The following GALNT13 variants were observed in gnomAD, a reference collection of about 807,000 sequenced individuals.
The protein encoded by GALNT13 is UDP-GalNAc:polypeptide N-acetylgalactosaminyltransferase 13.
A neutral mutation model predicts 64.2 loss-of-function variants in GALNT13; 28 were observed. That is an observed-to-expected ratio of 0.44 (90% confidence interval 0.32 to 0.60). The LOEUF (loss-of-function observed/expected upper bound fraction) is 0.60, where lower values mean the gene tolerates loss of function less well. GALNT13 is among the 20% of genes least tolerant of loss of function. GALNT13 has a pLI of 0.05. For synonymous variants in GALNT13, 214 were observed against 224.6 expected, an observed-to-expected ratio of 0.95 and a Z score of 0.42; for missense variants, 577 against 669.8, an observed-to-expected ratio of 0.86 and a Z score of 1.53.
At chr2:153,946,541 C>G (rs903022562) in intron 3 of GALNT13, among the ~76,000 whole-genome samples, 2 of 152,028 alleles carry the variant, frequency 1.3e-5, no homozygotes, top group Non-Finnish European at 2.9e-5. Context: ...AAGGTGCTAG[C>G]AGATGCAACG....
At chr2:154,072,365 T>C (rs1043921822) in intron 3 of GALNT13, among the ~76,000 whole-genome samples, 1 of 152,124 alleles carries the variant, frequency 6.6e-6, no homozygotes, top group Non-Finnish European at 1.5e-5. Context: ...AAAAACATTT[T>C]TAAAAGAATT....
At chr2:154,181,612 A>T (rs1256393228) in intron 4 of GALNT13, among the ~76,000 whole-genome samples, 2 of 152,070 alleles carry the variant, frequency 1.3e-5, no homozygotes, top group African/African-American at 4.8e-5. Context: ...TTAAAGTTTT[A>T]ACTATAAAAT....
At chr2:153,346,582 G>A in the GALNT13 span, among the ~76,000 whole-genome samples, 1 of 152,060 alleles carries the variant, frequency 6.6e-6, no homozygotes, top group African/African-American at 2.4e-5. Flanking sequence ...CTGAAAACAT[G>A]CATTTTAATT....
intron 3 of GALNT13, among the ~76,000 whole-genome samples, chr2:153,997,151 C>T (rs1695576329): frequency 6.6e-6 from 1 of 152,002 alleles, no homozygotes; most frequent in South Asian, 2.1e-4. Flanking sequence ...TTTGACTATT[C>T]TGGGTCTTTT....
chr2:153,973,460 T>A (rs565542672), intron 3 of GALNT13, among the ~76,000 whole-genome samples: 1 of 152,170 alleles, frequency 6.6e-6, no homozygotes, highest in African/African-American at 2.4e-5. Flanking sequence ...AGCAACTCAC[T>A]GAAGATTTCT....
chr2:153,371,213 A>T, the GALNT13 span: 2 of 152,246 alleles, frequency 1.3e-5, no homozygotes, highest in East Asian at 1.9e-4. Context: ...CATCTCCAAA[A>T]GCCTACATAA....
At chr2:153,366,802 A>T in the GALNT13 span, among the ~76,000 whole-genome samples, 15 of 151,500 alleles carry the variant, frequency 9.9e-5, no homozygotes, top group East Asian at 2.9e-3. Context: ...AACTGCTGAA[A>T]ACGAAAGAAA....
At chr2:154,103,357 A>C (rs1702447020) in intron 3 of GALNT13, among the ~76,000 whole-genome samples, 1 of 152,166 alleles carries the variant, frequency 6.6e-6, no homozygotes, top group South Asian at 2.1e-4. Flanking sequence ...TTTTTAAAAA[A>C]CATATCTGTC....
At chr2:153,607,925 A>T in the GALNT13 span, among the ~76,000 whole-genome samples, 1 of 152,072 alleles carries the variant, frequency 6.6e-6, no homozygotes, top group Non-Finnish European at 1.5e-5. Context: ...GATTCCCTAA[A>T]GTTTTCTTTT....
the GALNT13 span, among the ~76,000 whole-genome samples, chr2:153,521,576 A>T: frequency 6.6e-6 from 1 of 152,180 alleles, no homozygotes; most frequent in Non-Finnish European, 1.5e-5. Context: ...ACATCAGGCT[A>T]CATTCTTGGT....
At chr2:153,550,674 T>C in the GALNT13 span, among the ~76,000 whole-genome samples, 1 of 152,232 alleles carries the variant, frequency 6.6e-6, no homozygotes, top group Admixed American at 6.5e-5. Context: ...ATGAACCATA[T>C]TTTACATCCA....
At chr2:153,234,221 G>C in the GALNT13 span, among the ~76,000 whole-genome samples, 2 of 152,158 alleles carry the variant, frequency 1.3e-5, no homozygotes, top group Non-Finnish European at 2.9e-5. Context: ...CTACCCTGAA[G>C]CCCAGCCCAG....
chr2:154,418,709 A>C (rs1488728408), intron 11 of GALNT13, among the ~76,000 whole-genome samples: 1 of 152,222 alleles, frequency 6.6e-6, no homozygotes, highest in East Asian at 1.9e-4. Flanking sequence ...AATTTGTTTT[A>C]TCAACGACAG....
the GALNT13 span, among the ~76,000 whole-genome samples, chr2:153,323,472 G>A: frequency 6.6e-6 from 1 of 152,040 alleles, no homozygotes; most frequent in Non-Finnish European, 1.5e-5. Context: ...TTCTTTTGCT[G>A]TGCAGAAGCT....
chr2:153,685,743 C>T, the GALNT13 span, among the ~76,000 whole-genome samples: 2 of 151,984 alleles, frequency 1.3e-5, no homozygotes. Context: ...GTTGCCCGTG[C>T]TTATGCCCTG....
chr2:154,395,955 G>A (rs769325748), intron 9 of GALNT13, 36 bp from the exon 10 acceptor site: 2 of 1,556,940 alleles, frequency 1.3e-6, no homozygotes, highest in Non-Finnish European at 1.7e-6. Context: ...AACAAAAATA[G>A]CACAAACTGA....
At chr2:153,197,553 G>T in the GALNT13 span, among the ~76,000 whole-genome samples, 234 of 152,370 alleles carry the variant, frequency 1.5e-3, no homozygotes, top group Admixed American at 2.5e-3. Context: ...GCCAGTGCCA[G>T]GCCAGGCAGG....
rs116127923 is a variant in GALNT13 at position 154,290,930 on chromosome 2, C to T, written c.976-10479C>T. On this transcript the variant is annotated intron_variant, in intron 8 of 12. Transcript: ENST00000392825. ...TTTGCTCTTTCCGTCCAGAGCTGTT[C>T]GTCCCTCCCGGTGGGTTCGTGGTCT... 6.7e-3 allele frequency among the ~76,000 whole-genome samples: 1,020 copies of T among 151,422 alleles called. 8 individuals are homozygous for T. Among genetic ancestry groups the T allele is most frequent in the African/African-American group, 0.021 (866 of 41,240 alleles).
the GALNT13 span, among the ~76,000 whole-genome samples, chr2:153,429,149 A>AT: frequency 6.6e-6 from 1 of 152,078 alleles, no homozygotes; most frequent in African/African-American, 2.4e-5. Context: ...GCTTTTTTAT[A>AT]TTATAAGGAT....
Sources: allele counts gnomAD v4.1 joint callset (sites outside exome capture counted in the v4.1 genomes callset), GRCh38; gene constraint gnomAD v4.1.1; transcripts MANE v1.5; gene names NCBI Gene and HGNC (gene_info 2026-07-23, HGNC 2026-07-21).